Variants in TEX101 observed in about 807,000 individuals in gnomAD.
TEX101 encodes testis-expressed protein 101.
In TEX101, 10 loss-of-function variants were observed where a neutral mutation model predicts 18.1. That is an observed-to-expected ratio of 0.55 (90% confidence interval 0.34 to 0.94). TEX101 has a LOEUF of 0.94. TEX101 is among the 40% of genes least tolerant of loss of function. The pLI, the probability that TEX101 is intolerant of heterozygous loss-of-function variation, is 0.02. For missense variants in TEX101, 259 were observed against 298.9 expected, an observed-to-expected ratio of 0.87 and a Z score of 0.98; for synonymous variants, 94 against 114.8, an observed-to-expected ratio of 0.82 and a Z score of 1.16.
At chr19:43,416,597 A>G (rs1397026057) in intron 4 of TEX101, 42 bp downstream of exon 4, 4 of 1,576,676 alleles carry the variant, frequency 2.5e-6, no homozygotes, top group Admixed American at 1.8e-5. Flanking sequence ...GAGAAACTCC[A>G]TAAAGAGCTT....
chr19:43,388,831 G>A, the TEX101 span, among the ~76,000 whole-genome samples: 5 of 152,170 alleles, frequency 3.3e-5, no homozygotes, highest in Non-Finnish European at 5.9e-5. Flanking sequence ...TTCTATGGAT[G>A]TGAGGGGGGT....
the TEX101 span, among the ~76,000 whole-genome samples, chr19:43,391,406 C>CTTTTTTTTTTTTTTTTTTTTT: frequency 3.1e-5 from 3 of 95,902 alleles, no homozygotes; most frequent in East Asian, 3.2e-4. Flanking sequence ...TTCTGTTTTT[C>CTTTTTTTTTTTTTTTTTTTTT]TTTTTTTTTT....
upstream of TEX101, among the ~76,000 whole-genome samples, chr19:43,398,989 T>G (rs1460311841): frequency 1.3e-5 from 2 of 152,214 alleles, no homozygotes; most frequent in African/African-American, 4.8e-5. Flanking sequence ...GTTCATGAAT[T>G]GCTAATAAAA....
upstream of TEX101, among the ~76,000 whole-genome samples, chr19:43,412,267 C>T (rs534093329): frequency 6.6e-5 from 10 of 152,066 alleles, no homozygotes; most frequent in Non-Finnish European, 1.5e-4. Flanking sequence ...AGAAGGGGAG[C>T]GAGAGAGAGT....
chr19:43,414,648 C>T (rs976353325), upstream of TEX101, among the ~76,000 whole-genome samples: 1 of 152,200 alleles, frequency 6.6e-6, no homozygotes, highest in Non-Finnish European at 1.5e-5. Context: ...CATCTGGCAA[C>T]GCACTGCCCA....
Position 43,415,957 on chromosome 19 carries a change from T to TGGTCCTAGGAGCCTCCC in TEX101, c.39_55dup (p.Leu19ArgfsTer3). The TGGTCCTAGGAGCCTCCC allele has an allele frequency of 6.2e-7, 1 of 1,614,172 alleles. No homozygotes were observed. Among genetic ancestry groups the TGGTCCTAGGAGCCTCCC allele is most frequent in the Non-Finnish European group, 8.5e-7 (1 of 1,180,012 alleles). ...CGTATCCAGCATTTGCTGATCCTCCTGGTCCTAGGAGCCTCCCTCCTGACC... is the reference window on the plus strand; with the variant it reads ...CGTATCCAGCATTTGCTGATCCTCCTGGTCCTAGGAGCCTCCCGGTCCTAGGAGCCTCCCTCCTGACC... On this transcript the variant is annotated frameshift_variant, in exon 2 of 6. Transcript: ENST00000598265. LOFTEE classifies it high-confidence loss of function.
chr19:43,396,337 A>T, the TEX101 span, among the ~76,000 whole-genome samples: 1 of 152,168 alleles, frequency 6.6e-6, no homozygotes, highest in Admixed American at 6.5e-5. Context: ...CACTTTTACG[A>T]TCTGAATAGC....
chr19:43,415,747 A>C (rs917459568), intron 1 of TEX101, 134 bp from the exon 2 acceptor site: 2 of 749,480 alleles, frequency 2.7e-6, no homozygotes, highest in Non-Finnish European at 4.5e-6. Context: ...GCGACAGTGC[A>C]AGACTCCGTC....
chr19:43,418,115 C>T, intron 5 of TEX101, 53 bp from the exon 6 acceptor site: 1 of 1,611,650 alleles, frequency 6.2e-7, no homozygotes, highest in Non-Finnish European at 8.5e-7. Context: ...ACTGGATTCT[C>T]CTCTGATGTC....
At chr19:43,418,090 C>A in intron 5 of TEX101, 78 bp from the exon 6 acceptor site, 1 of 1,611,640 alleles carries the variant, frequency 6.2e-7, no homozygotes, top group Non-Finnish European at 8.5e-7. Context: ...CTGAGCTCTC[C>A]AGGGATGAGG....
intron 3 of TEX101, among the ~76,000 whole-genome samples, chr19:43,407,582 G>A (rs536159615): frequency 6.6e-6 from 1 of 152,326 alleles, no homozygotes; most frequent in Non-Finnish European, 1.5e-5. Flanking sequence ...TAGTGAGCAT[G>A]CGTGGTTGCC....
In TEX101 at chr19:43,408,131, G is replaced by T. The variant is rs569648443; in HGVS notation, c.15+1612G>T. Among the ~76,000 whole-genome samples, 43 of 152,266 alleles carry T rather than the reference G, an allele frequency of 2.8e-4. No individual in the cohort carries two copies. In the South Asian group the frequency reaches 4.2e-3, roughly 15 times the overall value. On this transcript the variant is annotated intron_variant, in intron 3 of 7. Coordinates refer to the TEX101 transcript ENST00000602198. ...TATGGGAACCAGTGACGTCTCTCCC[G>T]TGAGCCTGCCCGAGCCCGCAATGCC...
At chr19:43,408,009 G>T (rs559979161) in intron 3 of TEX101, among the ~76,000 whole-genome samples, 1 of 152,222 alleles carries the variant, frequency 6.6e-6, no homozygotes, top group Non-Finnish European at 1.5e-5. Flanking sequence ...CCACACAGGC[G>T]TGTGTCCGCT....
At chr19:43,413,955 CA>C (rs546677693), upstream of TEX101, among the ~76,000 whole-genome samples, 26 of 145,132 alleles carry the variant, frequency 1.8e-4, no homozygotes, top group South Asian at 2.4e-3. Context: ...GCTCTGTCTC[CA>C]AAAAAAAAAT....
chr19:43,411,278 T>C (rs928428620), upstream of TEX101, among the ~76,000 whole-genome samples: 2 of 152,110 alleles, frequency 1.3e-5, no homozygotes, highest in African/African-American at 4.8e-5. Context: ...GGTTTCACCA[T>C]GTTGGCCAGG....
intron 4 of TEX101, among the ~76,000 whole-genome samples, chr19:43,416,904 A>C (rs1480574945): frequency 2.6e-5 from 4 of 151,910 alleles, no homozygotes; most frequent in Non-Finnish European, 5.9e-5. Flanking sequence ...CTGGTGGCGC[A>C]CACCTGTAAT....
At chr19:43,413,870 G>A (rs961420283), upstream of TEX101, among the ~76,000 whole-genome samples, 6 of 151,944 alleles carry the variant, frequency 3.9e-5, no homozygotes, top group Admixed American at 1.3e-4. Context: ...CATGAGAATC[G>A]CTTGAACCTG....
chr19:43,393,685 C>G, the TEX101 span, among the ~76,000 whole-genome samples: 2 of 152,296 alleles, frequency 1.3e-5, no homozygotes, highest in Non-Finnish European at 2.9e-5. Flanking sequence ...GTGCCCGATA[C>G]TTGTACACTC....
At chr19:43,403,529 C>T (rs566885622) in intron 2 of TEX101, among the ~76,000 whole-genome samples, 1 of 152,128 alleles carries the variant, frequency 6.6e-6, no homozygotes, top group East Asian at 1.9e-4. Flanking sequence ...CACATGTATA[C>T]CTATGTATCA....
Sources: allele counts gnomAD v4.1 joint callset (sites outside exome capture counted in the v4.1 genomes callset), GRCh38; gene constraint gnomAD v4.1.1; transcripts MANE v1.5; gene names NCBI Gene and HGNC (gene_info 2026-07-23, HGNC 2026-07-21).